ARHGEF38: variants seen among roughly 807,000 people sequenced by gnomAD.
ARHGEF38 encodes the protein Rho guanine nucleotide exchange factor 38, also known as Rho guanine nucleotide exchange factor (GEF) 38.
A neutral mutation model predicts 79.9 loss-of-function variants in ARHGEF38; 79 were observed. The ratio of observed to expected loss-of-function variants is 0.99; its 90% CI spans 0.82 to 1.19. ARHGEF38 has a LOEUF of 1.19. Among genes scored for constraint, ARHGEF38 ranks in the 50% most tolerant of loss-of-function variants. ARHGEF38 has a pLI of 0.00. For synonymous variants in ARHGEF38, 366 were observed against 328.3 expected (o/e 1.11, Z -1.24); for missense variants, 962 against 907.2 (o/e 1.06, Z -0.78).
chr4:105,608,664 T>C (rs1728157223), intron 2 of ARHGEF38, among the ~76,000 whole-genome samples: 1 of 152,040 alleles, frequency 6.6e-6, no homozygotes, highest in African/African-American at 2.4e-5. Context: ...TAACAATAAA[T>C]TATTGTTAAC....
At chr4:105,592,302 A>G (rs1435159636) in intron 2 of ARHGEF38, among the ~76,000 whole-genome samples, 2 of 152,058 alleles carry the variant, frequency 1.3e-5, no homozygotes, top group East Asian at 3.9e-4. Flanking sequence ...CGCCAGGGTC[A>G]TAACCTAGAA....
intron 4 of ARHGEF38, among the ~76,000 whole-genome samples, chr4:105,634,716 ATTTTC>A (rs1413682427): frequency 8.4e-6 from 1 of 118,868 alleles, no homozygotes; most frequent in East Asian, 2.0e-4. Flanking sequence ...AATGAAGGGG[ATTTTC>A]TAAGTTTTTG....
chr4:105,560,584 AAC>A (rs1725469006), intron 1 of ARHGEF38, among the ~76,000 whole-genome samples: 1 of 152,178 alleles, frequency 6.6e-6, no homozygotes, highest in Non-Finnish European at 1.5e-5. Context: ...ATGCAGCAGG[AAC>A]ACAGAGTGCT....
chr4:105,600,553 CT>C (rs1459175771), intron 2 of ARHGEF38, among the ~76,000 whole-genome samples: 1 of 152,198 alleles, frequency 6.6e-6, no homozygotes, highest in East Asian at 1.9e-4. Flanking sequence ...CACATTAGCT[CT>C]GTTGCAAATC....
At chr4:105,647,164 A>G (rs989775) in intron 6 of ARHGEF38, among the ~76,000 whole-genome samples, 22,498 of 152,044 alleles carry the variant, frequency 0.15, 2,605 homozygotes, top group African/African-American at 0.32. Flanking sequence ...AACTATTTCA[A>G]AGTTTTGAAG....
intron 2 of ARHGEF38, among the ~76,000 whole-genome samples, chr4:105,595,557 A>T (rs1317125535): frequency 1.3e-5 from 2 of 152,196 alleles, no homozygotes; most frequent in Admixed American, 6.5e-5. Context: ...TTATACAAAC[A>T]TACTGAAATA....
At chr4:105,586,030 C>T (rs530909604) in intron 1 of ARHGEF38, among the ~76,000 whole-genome samples, 217 of 152,088 alleles carry the variant, frequency 1.4e-3, no homozygotes, top group African/African-American at 5.1e-3. Context: ...TGCGCCAGGC[C>T]CCCTCGGTTG....
intron 1 of ARHGEF38, chr4:105,561,474 A>AATGGAATGGAATGGAATGGAATGGAATG (rs1725589170): frequency 2.0e-5 from 1 of 50,778 alleles, no homozygotes; most frequent in Non-Finnish European, 4.1e-5. Flanking sequence ...AGAATAGAAT[A>AATGGAATGGAATGGAATGGAATGGAATG]GAATAGAATA....
chr4:105,560,016 T>C (rs976770741), intron 1 of ARHGEF38, among the ~76,000 whole-genome samples: 1 of 152,190 alleles, frequency 6.6e-6, no homozygotes, highest in East Asian at 1.9e-4. Context: ...CAAAATGGAA[T>C]GAATTTAACT....
At chr4:105,589,577 C>T (rs917970732) in intron 2 of ARHGEF38, 142 bp downstream of exon 2, 18 of 715,424 alleles carry the variant, frequency 2.5e-5, no homozygotes, top group Admixed American at 6.2e-5. Context: ...TCTGGGGTTA[C>T]AGTTTAGTAC....
In ARHGEF38 at chr4:105,680,071, T is replaced by A. The variant is rs1731257430; in HGVS notation, c.*2134T>A. On this transcript the variant is annotated 3_prime_UTR_variant, in exon 14 of 14. Transcript: ENST00000420470. ...AGAAAATAATAGCCCTCCCTTCAGA[T>A]CCACTGTAGACTTGAAGGACATCTC... 3 of 784,856 alleles carry A rather than the reference T, an allele frequency of 3.8e-6. No individual in the cohort carries two copies. The highest frequency in any genetic ancestry group is 4.6e-6 in the Non-Finnish European group (2 of 430,984). 48.6% of individuals were successfully genotyped at this position (784,856 alleles called of 1,614,324 possible). A position where few individuals can be genotyped will look rare whatever the true frequency, so the allele number is the denominator to read the frequency against.
chr4:105,652,074 G>A (rs1307509225), intron 7 of ARHGEF38, among the ~76,000 whole-genome samples: 1 of 152,186 alleles, frequency 6.6e-6, no homozygotes, highest in African/African-American at 2.4e-5. Context: ...CAGCTGCAAG[G>A]GAGTTTGGGA....
At chr4:105,568,468 G>A (rs1464196712) in intron 1 of ARHGEF38, among the ~76,000 whole-genome samples, 3 of 151,982 alleles carry the variant, frequency 2.0e-5, no homozygotes, top group Non-Finnish European at 4.4e-5. Flanking sequence ...AATACCATTT[G>A]ACCCAGCCAT....
chr4:105,658,517 T>C (rs1730429749), intron 9 of ARHGEF38, among the ~76,000 whole-genome samples: 1 of 152,198 alleles, frequency 6.6e-6, no homozygotes, highest in Non-Finnish European at 1.5e-5. Flanking sequence ...AATTCCACTA[T>C]CAAACATAAG....
chr4:105,590,253 T>A (rs1219399161), intron 2 of ARHGEF38, among the ~76,000 whole-genome samples: 16 of 151,652 alleles, frequency 1.1e-4, no homozygotes, highest in Non-Finnish European at 8.8e-5. Flanking sequence ...AGCAGAGAAC[T>A]GAAGGAGGTA....
chr4:105,594,631 C>G lies in ARHGEF38; in HGVS notation c.384+5196C>G, dbSNP rs148812909. On this transcript the variant is annotated intron_variant, in intron 2 of 13. Coordinates refer to ENST00000420470, the MANE Select transcript of ARHGEF38 (RefSeq NM_001242729.2). Reference sequence around the variant, plus strand: ...AGGAAGTTGAAAACTGAGGAAAGTACCAGAAGTTCCTGGCTTAACTGAGTC... The same window carrying G: ...AGGAAGTTGAAAACTGAGGAAAGTAGCAGAAGTTCCTGGCTTAACTGAGTC... Among the ~76,000 whole-genome samples the G allele has an allele frequency of 8.5e-4, 129 of 152,230 alleles. 1 individual carries two copies. The East Asian group carries it at 0.023, about 27-fold the overall frequency.
At chr4:105,654,035 G>T in intron 7 of ARHGEF38, 30 bp from the exon 8 acceptor site, 1 of 1,252,682 alleles carries the variant, frequency 8.0e-7, no homozygotes, top group South Asian at 1.5e-5. Context: ...TTTCATTTGA[G>T]TTATGAAAAT....
intron 4 of ARHGEF38, 56 bp downstream of exon 4, chr4:105,631,101 A>G (rs1186957385): frequency 6.5e-7 from 1 of 1,550,030 alleles, no homozygotes; most frequent in African/African-American, 1.4e-5. Flanking sequence ...AGCAGGGAAC[A>G]TTTTAAATGG....
chr4:105,671,062 A>G (rs1296746600), intron 13 of ARHGEF38, among the ~76,000 whole-genome samples: 2 of 152,236 alleles, frequency 1.3e-5, no homozygotes, highest in Non-Finnish European at 2.9e-5. Context: ...AAAAAATGAG[A>G]TAGTATTTCA....
Sources: allele counts gnomAD v4.1 joint callset (sites outside exome capture counted in the v4.1 genomes callset), GRCh38; gene constraint gnomAD v4.1.1; transcripts MANE v1.5; gene names NCBI Gene and HGNC (gene_info 2026-07-23, HGNC 2026-07-21).